The following TTC28 variants were observed in gnomAD, a reference collection of about 807,000 sequenced individuals.
TTC28 encodes tetratricopeptide repeat domain 28.
A neutral mutation model predicts 198.0 loss-of-function variants in TTC28; 61 were observed. The observed-to-expected ratio is 0.31, with a 90% CI of 0.25 to 0.38. The LOEUF is 0.38. Ranked by LOEUF, TTC28 falls within the 10% of genes least tolerant of loss-of-function variation. The pLI is 1.00. For synonymous variants in TTC28, 1,171 were observed against 1,297.8 expected (o/e 0.90, Z 2.10); for missense variants, 2,678 against 3,164.0 (o/e 0.85, Z 3.69).
At chr22:28,167,445 C>T (rs989498597) in intron 5 of TTC28, among the ~76,000 whole-genome samples, 5 of 152,190 alleles carry the variant, frequency 3.3e-5, no homozygotes, top group Non-Finnish European at 7.3e-5. Context: ...AAACCGAATC[C>T]AGCAGCATAT....
chr22:28,137,258 T>C (rs1165708715), intron 6 of TTC28, among the ~76,000 whole-genome samples: 1 of 152,150 alleles, frequency 6.6e-6, no homozygotes. Flanking sequence ...GGCTTCCTCA[T>C]CCTGAGGCAG....
At chr22:28,502,359 G>C (rs7286920) in intron 2 of TTC28, among the ~76,000 whole-genome samples, 41,120 of 151,988 alleles carry the variant, frequency 0.27, 6,945 homozygotes, top group Middle Eastern at 0.4. Context: ...AAAGAAAATG[G>C]GCCAGGCGCA....
chr22:28,101,747 T>A (rs1224711018), intron 8 of TTC28, among the ~76,000 whole-genome samples: 1 of 111,416 alleles, frequency 9.0e-6, no homozygotes, highest in East Asian at 3.0e-4. Context: ...GGAGTAAGAA[T>A]CTAGCCTGGG....
At chr22:28,378,177 T>G (rs76653759) in intron 2 of TTC28, among the ~76,000 whole-genome samples, 3,127 of 152,024 alleles carry the variant, frequency 0.021, 49 homozygotes, top group Non-Finnish European at 0.033. Context: ...ACTCTGTCTC[T>G]ACTAAAAAAT....
chr22:28,028,370 A>AT (rs1938922436), intron 13 of TTC28, among the ~76,000 whole-genome samples: 1 of 152,216 alleles, frequency 6.6e-6, no homozygotes, highest in Admixed American at 6.5e-5. Flanking sequence ...CACTGGAGCT[A>AT]TTGCAGGGCT....
At chr22:28,608,128 A>C (rs766652164) in intron 2 of TTC28, among the ~76,000 whole-genome samples, 1 of 152,232 alleles carries the variant, frequency 6.6e-6, no homozygotes, top group Admixed American at 6.5e-5. Flanking sequence ...GAAACAGCTG[A>C]GTCTCAGTAA....
chr22:28,192,920 A>G (rs1924977382), intron 5 of TTC28, among the ~76,000 whole-genome samples: 1 of 152,198 alleles, frequency 6.6e-6, no homozygotes, highest in African/African-American at 2.4e-5. Flanking sequence ...GCCAACATTC[A>G]AATTCAGGAA....
intron 5 of TTC28, among the ~76,000 whole-genome samples, chr22:28,215,609 G>T (rs1201710488): frequency 6.6e-6 from 1 of 151,854 alleles, no homozygotes; most frequent in Non-Finnish European, 1.5e-5. Flanking sequence ...ATGCACACAT[G>T]GTGTGTGTGT....
intron 2 of TTC28, among the ~76,000 whole-genome samples, chr22:28,598,041 T>C (rs983074406): frequency 6.6e-6 from 1 of 152,018 alleles, no homozygotes; most frequent in African/African-American, 2.4e-5. Flanking sequence ...TTTTACCCTT[T>C]ATATTTTACA....
intron 2 of TTC28, among the ~76,000 whole-genome samples, chr22:28,473,957 T>G (rs2048130008): frequency 6.6e-6 from 1 of 152,216 alleles, no homozygotes; most frequent in Non-Finnish European, 1.5e-5. Context: ...AGAACTATGA[T>G]AAAAGAAAAT....
At chr22:28,596,215 G>A (rs1405006839) in intron 2 of TTC28, among the ~76,000 whole-genome samples, 2 of 152,168 alleles carry the variant, frequency 1.3e-5, no homozygotes, top group Non-Finnish European at 2.9e-5. Flanking sequence ...AATTCCAGGT[G>A]TCAAGTACAA....
chr22:28,594,223 ATAAT>A (rs2050494580), intron 2 of TTC28, among the ~76,000 whole-genome samples: 1 of 150,256 alleles, frequency 6.7e-6, no homozygotes, highest in African/African-American at 2.4e-5. Flanking sequence ...CCTGAGACCT[ATAAT>A]TAAATAAATA....
rs1569008991 is a variant in TTC28, at chr22:28,537,300, A to AC, written c.381+92251_381+92252insG. Reference sequence around the variant, plus strand: ...AGAGCCAGACTCCGTCTCAAAAATAAAATAAAATAAAATAAAATAAAATAA... The same window carrying AC: ...AGAGCCAGACTCCGTCTCAAAAATAACAATAAAATAAAATAAAATAAAATAA... On this transcript the variant is annotated intron_variant, in intron 2 of 22. Coordinates refer to ENST00000397906, the MANE Select transcript of TTC28 (RefSeq NM_001145418.2). Among the ~76,000 whole-genome samples the AC allele has an allele frequency of 9.9e-3, 1,260 of 127,316 alleles. 67 individuals are homozygous for AC. The highest frequency in any genetic ancestry group is 0.024 in the East Asian group (115 of 4,726). 83.5% of individuals were successfully genotyped at this position (127,316 alleles called of 152,430 possible).
intron 7 of TTC28, 116 bp from the exon 8 acceptor site, chr22:28,105,918 C>T: frequency 8.1e-7 from 1 of 1,241,102 alleles, no homozygotes; most frequent in Non-Finnish European, 1.1e-6. Flanking sequence ...AAGCTCTTAA[C>T]TCCTCTTCTA....
chr22:28,305,067 C>T (rs1215171315), intron 3 of TTC28, among the ~76,000 whole-genome samples: 3 of 152,000 alleles, frequency 2.0e-5, no homozygotes, highest in East Asian at 3.9e-4. Flanking sequence ...CGGCTCACTG[C>T]GACCTCCCCG....
At chr22:28,387,025 G>C (rs889765108) in intron 2 of TTC28, among the ~76,000 whole-genome samples, 3 of 151,556 alleles carry the variant, frequency 2.0e-5, no homozygotes, top group African/African-American at 7.3e-5. Context: ...CCCAGAGTGT[G>C]ATGTTCCCCT....
At chr22:28,517,998 A>G (rs1018227286) in intron 2 of TTC28, among the ~76,000 whole-genome samples, 2 of 151,972 alleles carry the variant, frequency 1.3e-5, no homozygotes, top group South Asian at 4.2e-4. Context: ...CTAGACTCAA[A>G]CAATTCTCCT....
At chr22:28,088,991 A>G (rs938914558) in intron 12 of TTC28, among the ~76,000 whole-genome samples, 1 of 152,236 alleles carries the variant, frequency 6.6e-6, no homozygotes, top group Admixed American at 6.5e-5. Context: ...TTAGAATGGC[A>G]ATCATTAAAA....
intron 6 of TTC28, among the ~76,000 whole-genome samples, chr22:28,156,062 A>G (rs944218916): frequency 3.9e-5 from 6 of 152,226 alleles, no homozygotes; most frequent in African/African-American, 1.4e-4. Context: ...AAGAAAATAA[A>G]TCAAATGATG....
Sources: allele counts gnomAD v4.1 joint callset (sites outside exome capture counted in the v4.1 genomes callset), GRCh38; gene constraint gnomAD v4.1.1; transcripts MANE v1.5; gene names NCBI Gene and HGNC (gene_info 2026-07-23, HGNC 2026-07-21).